KDELR1: variants seen among roughly 807,000 people sequenced by gnomAD.
KDELR1 encodes the protein ER lumen protein-retaining receptor 1.
In KDELR1, 16 loss-of-function variants were observed where a neutral mutation model predicts 25.5. The ratio of observed to expected loss-of-function variants is 0.63; its 90% confidence interval spans 0.43 to 0.95. The LOEUF (loss-of-function observed/expected upper bound fraction) is 0.95, where lower values mean the gene tolerates loss of function less well. KDELR1 is among the 40% of genes least tolerant of loss of function. The pLI is 0.00. For synonymous variants in KDELR1, 121 were observed against 115.0 expected (o/e 1.05, Z -0.33); for missense variants, 159 against 265.2 (o/e 0.60, Z 2.78).
In KDELR1 at chr19:48,384,107, A is replaced by G; in HGVS notation, c.604+123T>C. On this transcript the variant is annotated intron_variant, in intron 4 of 4. Coordinates refer to ENST00000330720, the MANE Select transcript of KDELR1 (RefSeq NM_006801.3). The surrounding 1 kb of genome is among the most constrained non-coding windows in gnomAD (Gnocchi z 4.6). ...GAGGATGGTAGGCCTGCCACCCCAG[A>G]AACCCGGCGAAGAAATGCTCCCTTC... The G allele has an allele frequency of 7.9e-7, 1 of 1,271,914 alleles. No homozygotes were observed. Among genetic ancestry groups the G allele is most frequent in the South Asian group, 1.5e-5 (1 of 68,042 alleles). 78.8% of individuals were successfully genotyped at this position (1,271,914 alleles called of 1,614,324 possible).
chr19:48,383,969 T>C (rs779605894), intron 4 of KDELR1, among the ~76,000 whole-genome samples: 42 of 152,162 alleles, frequency 2.8e-4, no homozygotes, highest in Non-Finnish European at 6.0e-4. Flanking sequence ...ATGAATGAAT[T>C]TCAGTGGGCT....
intron 1 of KDELR1, 53 bp from the exon 2 acceptor site, chr19:48,390,577 G>GAGAGAGAGAGAGAGACAGAGAGAC: frequency 1.0e-6 from 1 of 979,528 alleles, no homozygotes; most frequent in South Asian, 1.5e-5. Context: ...GAGAGAGAGA[G>GAGAGAGAGAGAGAGACAGAGAGAC]AGACAGACAG....
upstream of KDELR1, among the ~76,000 whole-genome samples, chr19:48,392,105 C>T (rs1426177084): frequency 6.7e-6 from 1 of 148,788 alleles, no homozygotes; most frequent in African/African-American, 2.5e-5. Flanking sequence ...GAGTCCAGGC[C>T]CAGCTCCTCC....
upstream of KDELR1, among the ~76,000 whole-genome samples, chr19:48,396,191 G>A (rs276713): frequency 0.21 from 32,234 of 151,854 alleles, 3,689 homozygotes; most frequent in East Asian, 0.35. Flanking sequence ...GGGGAGCGGG[G>A]GGTTGTCCAG....
intron 3 of KDELR1, among the ~76,000 whole-genome samples, chr19:48,388,672 G>A (rs770111609): frequency 2.7e-5 from 4 of 150,730 alleles, no homozygotes; most frequent in Admixed American, 2.0e-4. Context: ...GCAACCGAGC[G>A]AGACTTTGTC....
At chr19:48,389,481 G>A in intron 3 of KDELR1, 72 bp downstream of exon 3, 3 of 1,571,852 alleles carry the variant, frequency 1.9e-6, no homozygotes, top group Non-Finnish European at 1.7e-6. Context: ...GGAAGCCTGT[G>A]AGAGGGTCTC....
At chr19:48,394,699 G>A (rs1301188498), upstream of KDELR1, among the ~76,000 whole-genome samples, 2 of 152,172 alleles carry the variant, frequency 1.3e-5, no homozygotes, top group East Asian at 3.9e-4. The surrounding 1 kb of genome is among the most constrained non-coding windows in gnomAD (Gnocchi z 5.1). Flanking sequence ...CCAGGTGGCC[G>A]CAACCTTGGG....
chr19:48,383,552 C>T (rs536651384), intron 4 of KDELR1, among the ~76,000 whole-genome samples: 3 of 152,266 alleles, frequency 2.0e-5, no homozygotes, highest in Admixed American at 6.5e-5. Context: ...ACTCTGTAGC[C>T]CAGGCTGGAG....
At chr19:48,395,808 G>A (rs1290435300), upstream of KDELR1, among the ~76,000 whole-genome samples, 5 of 152,158 alleles carry the variant, frequency 3.3e-5, no homozygotes, top group Non-Finnish European at 7.4e-5. Context: ...GAGGACAGGA[G>A]CCGGAACCCG....
chr19:48,393,193 G>C (rs2147427394), upstream of KDELR1, among the ~76,000 whole-genome samples: 1 of 152,010 alleles, frequency 6.6e-6, no homozygotes, highest in Middle Eastern at 3.4e-3. This position sits in a 1 kb window ranked among gnomAD's most constrained non-coding sequence, Gnocchi z 5.6. Context: ...CCAAATTCCT[G>C]GGTCCCAGTA....
rs145713476 is a variant in KDELR1, at chr19:48,387,575, G to A, written c.351+1978C>T. ...CAAGCACCTGTAATCCCAGCTACTC[G>A]GGAGGCTGAGGCAGGAGAAACGCTT... On this transcript the variant is annotated intron_variant, in intron 3 of 4. Coordinates refer to ENST00000330720, the MANE Select transcript of KDELR1 (RefSeq NM_006801.3). Among the ~76,000 whole-genome samples, 217 of 151,932 alleles carry A rather than the reference G, an allele frequency of 1.4e-3. 1 individual carries two copies. Among genetic ancestry groups the A allele is most frequent in the African/African-American group, 5.0e-3 (206 of 41,418 alleles).
chr19:48,396,800 AC>A, the KDELR1 span, among the ~76,000 whole-genome samples: 1 of 151,886 alleles, frequency 6.6e-6, no homozygotes, highest in South Asian at 2.1e-4. Flanking sequence ...TGTGGGGTGG[AC>A]GAGGCCTGCG....
At position 48,383,246 on chromosome 19, in the gene KDELR1, C is replaced by T; in HGVS notation, c.*47G>A. The T allele has an allele frequency of 1.3e-6, 2 of 1,545,708 alleles. No individual in the cohort carries two copies. The highest frequency in any genetic ancestry group is 1.8e-6 in the Non-Finnish European group (2 of 1,141,606). On this transcript the variant is annotated 3_prime_UTR_variant, in exon 5 of 5. Coordinates refer to ENST00000330720, the MANE Select transcript of KDELR1 (RefSeq NM_006801.3). ...AAAGCTCTTCATCTTCTGCCGCCTT[C>T]CTCTGCCTCCCGCTGCTGCCGAGGA...
chr19:48,385,076 AG>A (rs1970485540), intron 3 of KDELR1, among the ~76,000 whole-genome samples: 3 of 152,034 alleles, frequency 2.0e-5, no homozygotes, highest in Non-Finnish European at 4.4e-5. Flanking sequence ...TAGTAGAGAC[AG>A]GGTTTTGCCT....
At chr19:48,396,952 C>A in the KDELR1 span, among the ~76,000 whole-genome samples, 1 of 152,138 alleles carries the variant, frequency 6.6e-6, no homozygotes, top group Non-Finnish European at 1.5e-5. Flanking sequence ...TGCCCTCCTC[C>A]CTCAGTCCCA....
In KDELR1 at chr19:48,384,103, C is replaced by A; in HGVS notation, c.604+127G>T. 8.1e-7 allele frequency: 1 copy of A among 1,237,424 alleles called. No homozygotes were observed. The highest frequency in any genetic ancestry group is 1.1e-6 in the Non-Finnish European group (1 of 890,526). 76.7% of individuals were successfully genotyped at this position (1,237,424 alleles called of 1,614,324 possible). A position where few individuals can be genotyped will look rare whatever the true frequency, so the allele number is the denominator to read the frequency against. ...CTAGGAGGATGGTAGGCCTGCCACC[C>A]CAGAAACCCGGCGAAGAAATGCTCC... On this transcript the variant is annotated intron_variant, in intron 4 of 4. Transcript: ENST00000330720. This position sits in a 1 kb window ranked among gnomAD's most constrained non-coding sequence, Gnocchi z 4.6.
intron 3 of KDELR1, among the ~76,000 whole-genome samples, chr19:48,388,672 G>C (rs770111609): frequency 6.6e-6 from 1 of 150,730 alleles, no homozygotes; most frequent in African/African-American, 2.4e-5. Context: ...GCAACCGAGC[G>C]AGACTTTGTC....
intron 1 of KDELR1, 149 bp from the exon 2 acceptor site, chr19:48,390,673 G>T: frequency 1.6e-6 from 1 of 614,138 alleles, no homozygotes; most frequent in Non-Finnish European, 2.9e-6. Flanking sequence ...GACCAGCCTG[G>T]AGGCAGCTCT....
At chr19:48,390,638 C>T in intron 1 of KDELR1, 114 bp from the exon 2 acceptor site, 1 of 768,768 alleles carries the variant, frequency 1.3e-6, no homozygotes. Flanking sequence ...GCTGCATGGG[C>T]AATAAACTAA....
Sources: gnomAD v4.1 joint callset for allele counts (sites outside exome capture counted in the v4.1 genomes callset) on GRCh38, gnomAD v4.1.1 for gene constraint, Gnocchi (gnomAD v3.1) non-coding constraint, MANE v1.5 for transcripts, NCBI Gene and HGNC (gene_info 2026-07-23, HGNC 2026-07-21) for gene names.